Variants in RBMS2 observed in about 807,000 individuals in gnomAD.
RBMS2 encodes the protein RNA-binding motif, single-stranded-interacting protein 2.
Under a neutral mutation model 58.4 loss-of-function variants are expected in RBMS2, and 38 were observed. The observed-to-expected ratio is 0.65, with a 90% CI of 0.50 to 0.85. The LOEUF (loss-of-function observed/expected upper bound fraction) is 0.85, where lower values mean the gene tolerates loss of function less well. RBMS2 is among the 40% of genes least tolerant of loss of function. The probability of loss-of-function intolerance (pLI) is 0.00; values close to 1 mark genes in which losing one functional copy is unlikely to be tolerated. For missense variants in RBMS2, 367 were observed against 503.7 expected, an observed-to-expected ratio of 0.73 and a Z score of 2.60; for synonymous variants, 151 against 180.7, an observed-to-expected ratio of 0.84 and a Z score of 1.32.
At chr12:56,587,774 A>G in intron 11 of RBMS2, 110 bp downstream of exon 11, 1 of 1,388,032 alleles carries the variant, frequency 7.2e-7, no homozygotes, top group Non-Finnish European at 9.7e-7. Flanking sequence ...CTTCAGTGTC[A>G]TCCGGGGCAC....
chr12:56,587,794 A>G (rs1340437456), intron 11 of RBMS2, 130 bp downstream of exon 11: 1 of 1,336,646 alleles, frequency 7.5e-7, no homozygotes, highest in East Asian at 2.6e-5. Context: ...CACTCAGAAC[A>G]GGACATAAAC....
chr12:56,562,592 G>T lies in RBMS2; in HGVS notation c.233+9G>T. 1.9e-6 allele frequency: 3 copies of T among 1,611,168 alleles called. No homozygotes were observed. The highest frequency in any genetic ancestry group is 2.5e-6 in the Non-Finnish European group (3 of 1,177,372). ...GTCAAGCTGTGTCAGCCGTAAGTTG[G>T]AGTACATGTGCGTAGGCTTCCAGGG... On this transcript the variant is annotated intron_variant, in intron 2 of 13. Coordinates refer to ENST00000262031, the MANE Select transcript of RBMS2 (RefSeq NM_002898.4).
chr12:56,527,228 T>C (rs1202777908), intron 1 of RBMS2, among the ~76,000 whole-genome samples: 1 of 152,238 alleles, frequency 6.6e-6, no homozygotes, highest in African/African-American at 2.4e-5. Flanking sequence ...TCAAATGTAA[T>C]AGGACTGAGA....
In RBMS2 at chr12:56,595,567, A is replaced by ACTT. The variant is rs1885697148; in HGVS notation, c.*6435_*6437dup. 1 of 136,174 alleles carries ACTT rather than the reference A, an allele frequency of 7.3e-6. No homozygotes were observed. The highest frequency in any genetic ancestry group is 2.4e-4 in the South Asian group (1 of 4,202). 8.4% of individuals were successfully genotyped at this position (136,174 alleles called of 1,614,324 possible). On this transcript the variant is annotated 3_prime_UTR_variant, in exon 14 of 14. Coordinates refer to ENST00000262031, the MANE Select transcript of RBMS2 (RefSeq NM_002898.4). Reference sequence around the variant, plus strand: ...AGAGGTCCATTTTGTCTTACTTCACACTTTTTTTTTTTTAAATAAAACACA... The same window carrying ACTT: ...AGAGGTCCATTTTGTCTTACTTCACACTTCTTTTTTTTTTTTAAATAAAACACA...
At chr12:56,583,624 A>T (rs541650052) in intron 9 of RBMS2, among the ~76,000 whole-genome samples, 2 of 150,988 alleles carry the variant, frequency 1.3e-5, no homozygotes, top group Admixed American at 1.3e-4. Context: ...ACTACACTCC[A>T]GCCTGGGCGA....
At chr12:56,536,317 T>C in intron 1 of RBMS2, among the ~76,000 whole-genome samples, 1 of 151,202 alleles carries the variant, frequency 6.6e-6, no homozygotes, top group East Asian at 1.9e-4. Flanking sequence ...AGTGATAGGG[T>C]TTCACCATGT....
intron 2 of RBMS2, among the ~76,000 whole-genome samples, 188 bp downstream of exon 2, chr12:56,562,771 A>G (rs1263671534): frequency 1.3e-5 from 2 of 152,208 alleles, no homozygotes; most frequent in South Asian, 2.1e-4. Flanking sequence ...CTAAAAGGCA[A>G]TGGCATTTTG....
At position 56,582,082 on chromosome 12, in the gene RBMS2, T is replaced by G; in HGVS notation, c.803T>G (p.Ile268Ser). The G allele has an allele frequency of 8.1e-6, 13 of 1,612,840 alleles. No homozygotes were observed. Among genetic ancestry groups the G allele is most frequent in the Non-Finnish European group, 1.0e-5 (12 of 1,179,166 alleles). Residue 268 changes from isoleucine to serine, a missense_variant, in exon 9 of 14, where the codon ATC becomes AGC. By Grantham distance (142) the Ile-to-Ser change is moderately radical. Around this residue, in one of 3 missense-constraint regions of RBMS2, gnomAD observed 220 missense variants for 261.1 expected, o/e 0.84. Transcript: ENST00000262031. ...AGGTTTTACCCAGCCCCCTATAACA[T>G]CACCCCCAACAGGATGCTTGCTCAG... is the stretch of plus-strand genomic sequence containing the variant. ...QNGFYPAPYN[I>S]TPNRMLAQSA... is the part of the protein sequence containing the mutation.
intron 1 of RBMS2, among the ~76,000 whole-genome samples, chr12:56,535,622 T>A (rs1253083902): frequency 6.6e-6 from 1 of 152,166 alleles, no homozygotes; most frequent in Non-Finnish European, 1.5e-5. Flanking sequence ...TTTATATATT[T>A]AACATTACAC....
At position 56,581,269 on chromosome 12, in the gene RBMS2, G is replaced by A; in HGVS notation, c.622+6G>A. On this transcript the variant is annotated splice_donor_region_variant and intron_variant, in intron 6 of 13. Transcript: ENST00000262031. ...GACACCCCCTGGAGTACCAGGTGAGGCATCTGGGGCTCAGGCTGAGAGGGC... is the reference window on the plus strand; with the variant it reads ...GACACCCCCTGGAGTACCAGGTGAGACATCTGGGGCTCAGGCTGAGAGGGC... 2 of 1,595,684 alleles carry A rather than the reference G, an allele frequency of 1.3e-6. No individual in the cohort carries two copies. The highest frequency in any genetic ancestry group is 1.7e-6 in the Non-Finnish European group (2 of 1,163,248).
At chr12:56,560,855 T>C (rs1409201592) in intron 1 of RBMS2, among the ~76,000 whole-genome samples, 1 of 152,184 alleles carries the variant, frequency 6.6e-6, no homozygotes, top group African/African-American at 2.4e-5. Flanking sequence ...AATTATGTTG[T>C]CACCCAGTTA....
chr12:56,549,915 A>G (rs1877936678), intron 1 of RBMS2, among the ~76,000 whole-genome samples: 1 of 152,006 alleles, frequency 6.6e-6, no homozygotes. Flanking sequence ...AATCCCAGTT[A>G]CTCAGAAGGC....
chr12:56,542,543 CTTG>C (rs1876317982), intron 1 of RBMS2, among the ~76,000 whole-genome samples: 1 of 81,384 alleles, frequency 1.2e-5, no homozygotes, highest in Non-Finnish European at 2.6e-5. Flanking sequence ...TTTTTTTTTT[CTTG>C]TTTTTCTTTT....
chr12:56,528,759 C>G (rs1873152024), intron 1 of RBMS2, among the ~76,000 whole-genome samples: 1 of 152,100 alleles, frequency 6.6e-6, no homozygotes, highest in African/African-American at 2.4e-5. Context: ...GAAACCCCAT[C>G]TCTACAAAAA....
Position 56,589,448 on chromosome 12 carries a change from T to A in RBMS2, c.*315T>A. On this transcript the variant is annotated 3_prime_UTR_variant, in exon 14 of 14. Coordinates refer to ENST00000262031, the MANE Select transcript of RBMS2 (RefSeq NM_002898.4). Reference sequence around the variant, plus strand: ...AACTGCAACGTACTTTTCCCCTACCTTGAAGAGACATGGTGGTCGCAGCTT... The same window carrying A: ...AACTGCAACGTACTTTTCCCCTACCATGAAGAGACATGGTGGTCGCAGCTT... 1 of 437,118 alleles carries A rather than the reference T, an allele frequency of 2.3e-6. No homozygotes were observed. The highest frequency in any genetic ancestry group is 3.5e-6 in the Non-Finnish European group (1 of 288,562). 27.1% of individuals were successfully genotyped at this position (437,118 alleles called of 1,614,324 possible). A position where few individuals can be genotyped will look rare whatever the true frequency, so the allele number is the denominator to read the frequency against.
rs1885133334 is a variant in RBMS2, at chr12:56,589,351, C to T, written c.*218C>T. 8 of 1,215,290 alleles carry T rather than the reference C, an allele frequency of 6.6e-6. No individual in the cohort carries two copies. The highest frequency in any genetic ancestry group is 8.4e-6 in the Non-Finnish European group (8 of 952,866). The allele number at this position is 1,215,290 out of a possible 1,614,324, so 75.3% of individuals were successfully genotyped here. ...CTGATGGAGCCTGGGGGAACCATCACTTTTTTTGTGTGCTACATTCAAGGA... is the reference window on the plus strand; with the variant it reads ...CTGATGGAGCCTGGGGGAACCATCATTTTTTTTGTGTGCTACATTCAAGGA... On this transcript the variant is annotated 3_prime_UTR_variant, in exon 14 of 14. Transcript: ENST00000262031.
intron 1 of RBMS2, among the ~76,000 whole-genome samples, chr12:56,542,277 C>G (rs1876231924): frequency 6.6e-6 from 1 of 151,862 alleles, no homozygotes; most frequent in African/African-American, 2.4e-5. Context: ...GTTGCCCAGG[C>G]TGATGTCAAA....
At chr12:56,554,133 C>A (rs1878811264) in intron 1 of RBMS2, among the ~76,000 whole-genome samples, 1 of 152,060 alleles carries the variant, frequency 6.6e-6, no homozygotes, top group Non-Finnish European at 1.5e-5. Context: ...CCGAATTCTT[C>A]TAAAATTAGA....
At chr12:56,533,427 TTTTTTTG>T (rs1874169902) in intron 1 of RBMS2, among the ~76,000 whole-genome samples, 1 of 137,714 alleles carries the variant, frequency 7.3e-6, no homozygotes, top group African/African-American at 2.8e-5. Flanking sequence ...TTTTTTTTTT[TTTTTTTG>T]AGACGGGATC....
Sources: gnomAD v4.1 joint callset for allele counts (sites outside exome capture counted in the v4.1 genomes callset) on GRCh38, gnomAD v4.1.1 for gene constraint, gnomAD v4.1.1 regional missense constraint, MANE v1.5 for transcripts, NCBI Gene and HGNC (gene_info 2026-07-23, HGNC 2026-07-21) for gene names.